FSIP2: variants seen among roughly 807,000 people sequenced by gnomAD.
The protein encoded by FSIP2 is fibrous sheath interacting protein 2.
A neutral mutation model predicts 510.5 loss-of-function variants in FSIP2; 367 were observed. The observed-to-expected ratio is 0.72, with a 90% CI of 0.66 to 0.78. The LOEUF (loss-of-function observed/expected upper bound fraction) is 0.78. Ranked by LOEUF, FSIP2 falls within the 30% of genes least tolerant of loss-of-function variation. FSIP2 has a pLI of 0.00. For synonymous variants in FSIP2, 2,601 were observed against 2,732.2 expected (o/e 0.95, Z 1.50); for missense variants, 7,594 against 7,901.7 (o/e 0.96, Z 1.48).
chr2:185,828,942 C>A (rs1232953550), intron 21 of FSIP2, among the ~76,000 whole-genome samples: 7 of 151,824 alleles, frequency 4.6e-5, no homozygotes, highest in African/African-American at 1.7e-4. Flanking sequence ...CTTTTAAAAT[C>A]TTATAACTTA....
At chr2:185,819,816 A>T (rs538005667) in intron 19 of FSIP2, among the ~76,000 whole-genome samples, 21 of 142,712 alleles carry the variant, frequency 1.5e-4, no homozygotes, top group African/African-American at 5.2e-4. Context: ...GGTAGGTTAG[A>T]TGTGTTAAAT....
At chr2:185,756,525 T>C (rs781579580) in intron 9 of FSIP2, among the ~76,000 whole-genome samples, 2 of 151,462 alleles carry the variant, frequency 1.3e-5, no homozygotes, top group Non-Finnish European at 3.0e-5. Context: ...TAAATGAAGG[T>C]TATGTTACTA....
chr2:185,785,036 A>T (rs1384453075), intron 14 of FSIP2, among the ~76,000 whole-genome samples: 1 of 152,210 alleles, frequency 6.6e-6, no homozygotes, highest in East Asian at 1.9e-4. Context: ...CTTTTGGAGC[A>T]AAAAGTCTAT....
Position 185,804,763 on chromosome 2 carries a change from G to A in FSIP2, c.15457G>A (p.Ala5153Thr). ...KFPPDDEFVE[A>T]ASKLTDEIIK... is the part of the protein sequence containing the mutation. ...TCCACCGGATGATGAATTTGTGGAG[G>A]CAGCTTCAAAATTGACTGATGAAAT... Residue 5153 changes from alanine to threonine, a missense_variant, in exon 17 of 23, where the codon GCA (alanine) becomes ACA (threonine). By Grantham distance (58) the Ala-to-Thr change is moderately conservative. Coordinates refer to ENST00000424728, the MANE Select transcript of FSIP2 (RefSeq NM_173651.4). 17 of 1,531,644 alleles carry A rather than the reference G, an allele frequency of 1.1e-5. No individual in the cohort carries two copies. The highest frequency in any genetic ancestry group is 1.5e-5 in the Non-Finnish European group (17 of 1,144,590). The allele number at this position is 1,531,644 out of a possible 1,614,324, so 94.9% of individuals were successfully genotyped here. A position where few individuals can be genotyped will look rare whatever the true frequency, so the allele number is the denominator to read the frequency against.
chr2:185,746,456 G>A (rs1263961873), intron 5 of FSIP2, among the ~76,000 whole-genome samples: 1 of 152,046 alleles, frequency 6.6e-6, no homozygotes, highest in African/African-American at 2.4e-5. Context: ...TACTTGTGTA[G>A]TGGAGAGACC....
At chr2:185,820,806 T>C (rs2105678267) in intron 19 of FSIP2, among the ~76,000 whole-genome samples, 1 of 151,480 alleles carries the variant, frequency 6.6e-6, no homozygotes, top group African/African-American at 2.4e-5. Flanking sequence ...AAAAACAATG[T>C]TAAGAGTAAA....
chr2:185,746,150 G>A (rs1692025536), intron 5 of FSIP2, among the ~76,000 whole-genome samples: 1 of 151,922 alleles, frequency 6.6e-6, no homozygotes. Context: ...TTCATTCCAT[G>A]GTTTCATTAT....
chr2:185,813,532 C>G lies in FSIP2; in HGVS notation c.19828-13C>G. Reference sequence around the variant, plus strand: ...GCATTTGATTTTAATATTTGCTATACCTTTAATTTCAGGCCGTTGCTAGAA... The same window carrying G: ...GCATTTGATTTTAATATTTGCTATAGCTTTAATTTCAGGCCGTTGCTAGAA... On this transcript the variant is annotated splice_polypyrimidine_tract_variant and intron_variant, in intron 17 of 22. Coordinates refer to ENST00000424728, the MANE Select transcript of FSIP2 (RefSeq NM_173651.4). 6.7e-7 allele frequency: 1 copy of G among 1,483,978 alleles called. No individual in the cohort carries two copies. Among genetic ancestry groups the G allele is most frequent in the Non-Finnish European group, 9.0e-7 (1 of 1,109,148 alleles). The allele number at this position is 1,483,978 out of a possible 1,614,324, so 91.9% of individuals were successfully genotyped here.
At chr2:185,739,188 G>A (rs1279848547) in intron 1 of FSIP2, 158 bp from the exon 2 acceptor site, 2 of 1,112,006 alleles carry the variant, frequency 1.8e-6, no homozygotes, top group Admixed American at 3.0e-5. Context: ...GGGACGCCAG[G>A]AGAGCTGGTG....
intron 12 of FSIP2, among the ~76,000 whole-genome samples, chr2:185,764,081 C>A (rs1692410031): frequency 8.8e-6 from 1 of 114,090 alleles, no homozygotes; most frequent in Non-Finnish European, 1.9e-5. Context: ...AAAGGCTATG[C>A]CCTTAACTTA....
chr2:185,794,535 GA>G lies in FSIP2; in HGVS notation c.7402del (p.Ile2468TyrfsTer3). On this transcript the variant is annotated frameshift_variant, in exon 16 of 23. Transcript: ENST00000424728. LOFTEE classifies it high-confidence loss of function. Reference sequence around the variant, plus strand: ...CAAAAGGCAGATAATTGTTTTGGAAGAAATATTTATGAGAAATGGAGAATCA... The same window carrying G: ...CAAAAGGCAGATAATTGTTTTGGAAGAATATTTATGAGAAATGGAGAATCA... ...ENKRQIIVLE[E>X]IFMRNGESKN... The G allele has an allele frequency of 6.5e-7, 1 of 1,529,776 alleles. No individual in the cohort carries two copies. The highest frequency in any genetic ancestry group is 1.4e-5 in the African/African-American group (1 of 72,630). The allele number at this position is 1,529,776 out of a possible 1,614,324, so 94.8% of individuals were successfully genotyped here.
chr2:185,794,461 C>A lies in FSIP2; in HGVS notation c.7325C>A (p.Ser2442Tyr). ...GAGAAGGAAAGAAGTACCAAACAAT[C>A]TCTATTTACAAAGTATCCATTAGAG... is the stretch of plus-strand genomic sequence containing the variant. ...HKEKERSTKQSLFTKYPLEQN... is the reference protein window; with the variant it reads ...HKEKERSTKQYLFTKYPLEQN... The change falls in exon 16 of 23, where the codon TCT (serine) becomes TAT (tyrosine). Residue 2442 changes from serine (S) to tyrosine (Y), a missense_variant. Transcript: ENST00000424728. The A allele has an allele frequency of 6.6e-7, 1 of 1,509,664 alleles. No individual in the cohort carries two copies. The highest frequency in any genetic ancestry group is 8.8e-7 in the Non-Finnish European group (1 of 1,136,180). 93.5% of individuals were successfully genotyped at this position (1,509,664 alleles called of 1,614,324 possible). A position where few individuals can be genotyped will look rare whatever the true frequency, so the allele number is the denominator to read the frequency against.
rs768234692 is a variant in FSIP2 at position 185,791,956 on chromosome 2, TTAA to T, written c.4822_4824del (p.Asn1608del). On this transcript the variant is annotated inframe_deletion, in exon 16 of 23. Transcript: ENST00000424728. ...GGACATTTAGAAATTTTGGGTGCTA[TTAA>T]TGATGGAAATAAGAAAAGCAATAAG... The T allele has an allele frequency of 1.3e-4, 205 of 1,533,866 alleles. No homozygotes were observed. The highest frequency in any genetic ancestry group is 1.7e-4 in the Non-Finnish European group (195 of 1,145,348).
chr2:185,750,409 T>A (rs1475056949), intron 7 of FSIP2, among the ~76,000 whole-genome samples: 1 of 151,618 alleles, frequency 6.6e-6, no homozygotes, highest in Non-Finnish European at 1.5e-5. Context: ...GACAAAGTTG[T>A]TTATAACATT....
Position 185,793,193 on chromosome 2 carries a change from T to C in FSIP2, c.6057T>C (p.Asp2019=). The C allele has an allele frequency of 1.3e-6, 2 of 1,533,922 alleles. No homozygotes were observed. Among genetic ancestry groups the C allele is most frequent in the Non-Finnish European group, 1.7e-6 (2 of 1,145,484 alleles). ...TACAAGGAATCAAACAGGAATTAGA[T>C]AAAGAAAGGGAAAATCCTTTTTTAA... is the stretch of plus-strand genomic sequence containing the variant. The part of the protein sequence containing the change: ...RNLQGIKQEL[D]KERENPFLTH... The change falls in exon 16 of 23, where the codon GAT becomes GAC. Residue 2019 remains aspartate, a synonymous_variant. Coordinates refer to ENST00000424728, the MANE Select transcript of FSIP2 (RefSeq NM_173651.4).
rs1016681783 is a variant in FSIP2 at position 185,753,841 on chromosome 2, T to C, written c.990T>C (p.His330=). ...AATACAGAGGTCAAGATGGAACACATGGTGAATGTGAGAACATTAAAAGAT... is the reference window on the plus strand; with the variant it reads ...AATACAGAGGTCAAGATGGAACACACGGTGAATGTGAGAACATTAAAAGAT... ...TFKYRGQDGT[H]ASPKNKKKTS... Residue 330 remains histidine (H), a splice_region_variant and synonymous_variant, in exon 8 of 23, where the codon CAT becomes CAC. Coordinates refer to ENST00000424728, the MANE Select transcript of FSIP2 (RefSeq NM_173651.4). 3 of 1,456,746 alleles carry C rather than the reference T, an allele frequency of 2.1e-6. No individual in the cohort carries two copies. The highest frequency in any genetic ancestry group is 2.7e-6 in the Non-Finnish European group (3 of 1,111,324). The allele number at this position is 1,456,746 out of a possible 1,614,324, so 90.2% of individuals were successfully genotyped here. A position where few individuals can be genotyped will look rare whatever the true frequency, so the allele number is the denominator to read the frequency against.
intron 12 of FSIP2, among the ~76,000 whole-genome samples, chr2:185,764,090 T>TA (rs5836956): frequency 2.0e-5 from 3 of 151,132 alleles, no homozygotes; most frequent in South Asian, 2.1e-4. Flanking sequence ...GCCCTTAACT[T>TA]AAAAAAAATT....
intron 7 of FSIP2, among the ~76,000 whole-genome samples, chr2:185,753,457 A>G (rs983626467): frequency 1.3e-5 from 2 of 151,472 alleles, no homozygotes; most frequent in Admixed American, 6.6e-5. Flanking sequence ...CAGGACAGGT[A>G]TGAATAAGAT....
intron 8 of FSIP2, among the ~76,000 whole-genome samples, chr2:185,754,920 A>T (rs1321342538): frequency 6.6e-6 from 1 of 151,544 alleles, no homozygotes; most frequent in Non-Finnish European, 1.5e-5. Flanking sequence ...GAGTGTAAAA[A>T]TTCTAGCATA....
Sources: allele counts gnomAD v4.1 joint callset (sites outside exome capture counted in the v4.1 genomes callset), GRCh38; gene constraint gnomAD v4.1.1; transcripts MANE v1.5; gene names NCBI Gene and HGNC (gene_info 2026-07-23, HGNC 2026-07-21).